Variants in WASL observed in about 807,000 individuals in gnomAD.
The protein encoded by WASL is actin nucleation-promoting factor WASL.
A neutral mutation model predicts 55.5 loss-of-function variants in WASL; 20 were observed. The observed-to-expected ratio is 0.36, with a 90% CI of 0.25 to 0.52. The LOEUF (loss-of-function observed/expected upper bound fraction) is 0.52. Among genes scored for constraint, WASL ranks in the 20% least tolerant of loss-of-function variants. The pLI is 0.92. For synonymous variants in WASL, 249 were observed against 217.6 expected (o/e 1.14, Z -1.27); for missense variants, 504 against 622.5 (o/e 0.81, Z 2.03).
Position 123,683,632 on chromosome 7 carries a change from T to C in WASL, c.*887A>G, listed in dbSNP as rs1459314701. 1 of 152,092 alleles carries C rather than the reference T, an allele frequency of 6.6e-6. No individual in the cohort carries two copies. The highest frequency in any genetic ancestry group is 1.9e-4 in the East Asian group (1 of 5,192). 9.4% of individuals were successfully genotyped at this position (152,092 alleles called of 1,614,324 possible). A position where few individuals can be genotyped will look rare whatever the true frequency, so the allele number is the denominator to read the frequency against. On this transcript the variant is annotated 3_prime_UTR_variant, in exon 11 of 11. Transcript: ENST00000223023. Reference sequence around the variant, plus strand: ...ATGCTAAAATTCTACAGTATTTTAGTACTATTCTGATTTGTATAGTTTTTT... The same window carrying C: ...ATGCTAAAATTCTACAGTATTTTAGCACTATTCTGATTTGTATAGTTTTTT...
intron 1 of WASL, among the ~76,000 whole-genome samples, chr7:123,728,752 C>T (rs995402378): frequency 6.6e-6 from 1 of 152,098 alleles, no homozygotes; most frequent in Admixed American, 6.5e-5. Context: ...AGGAGAATCG[C>T]TTGAACGTGG....
At chr7:123,724,647 T>A (rs536756073) in intron 1 of WASL, among the ~76,000 whole-genome samples, 2 of 152,150 alleles carry the variant, frequency 1.3e-5, no homozygotes, top group African/African-American at 4.8e-5. Context: ...ATTTGCCGGA[T>A]TGAACTGAGA....
intron 10 of WASL, among the ~76,000 whole-genome samples, chr7:123,686,312 G>T (rs2116762312): frequency 6.6e-6 from 1 of 152,062 alleles, no homozygotes; most frequent in Admixed American, 6.5e-5. Flanking sequence ...CTTCTAGCAA[G>T]GGAAATAATT....
intron 1 of WASL, among the ~76,000 whole-genome samples, chr7:123,744,362 T>C (rs1439801476): frequency 6.6e-6 from 1 of 152,194 alleles, no homozygotes; most frequent in East Asian, 1.9e-4. Context: ...CGAGTAATTA[T>C]AATTATTCAA....
At chr7:123,720,977 T>C (rs775341959) in intron 1 of WASL, among the ~76,000 whole-genome samples, 6 of 152,216 alleles carry the variant, frequency 3.9e-5, no homozygotes, top group Non-Finnish European at 7.3e-5. Flanking sequence ...AGCAAGAATT[T>C]TGAGTAGCTC....
At chr7:123,732,721 A>C (rs1466098516) in intron 1 of WASL, among the ~76,000 whole-genome samples, 1 of 152,238 alleles carries the variant, frequency 6.6e-6, no homozygotes, top group African/African-American at 2.4e-5. Flanking sequence ...CCAACACCAG[A>C]TAAAGATCTA....
intron 8 of WASL, among the ~76,000 whole-genome samples, chr7:123,693,973 G>A (rs1318675649): frequency 6.6e-6 from 1 of 152,040 alleles, no homozygotes; most frequent in Non-Finnish European, 1.5e-5. Context: ...AATGAACACT[G>A]GCAATGAAAA....
At chr7:123,694,507 T>G (rs551426595) in intron 8 of WASL, among the ~76,000 whole-genome samples, 1 of 152,180 alleles carries the variant, frequency 6.6e-6, no homozygotes, top group South Asian at 2.1e-4. Flanking sequence ...TGGATTTTTA[T>G]GAATAAAGAA....
At chr7:123,718,658 G>A (rs1220088333) in intron 1 of WASL, among the ~76,000 whole-genome samples, 1 of 152,128 alleles carries the variant, frequency 6.6e-6, no homozygotes, top group Non-Finnish European at 1.5e-5. Flanking sequence ...GTCTCCCAAA[G>A]TGCTGGGATT....
At chr7:123,736,368 G>C (rs989191401) in intron 1 of WASL, among the ~76,000 whole-genome samples, 4 of 152,156 alleles carry the variant, frequency 2.6e-5, no homozygotes, top group Non-Finnish European at 5.9e-5. Context: ...AAGGGTACCA[G>C]AAATGATAAC....
chr7:123,708,856 C>A (rs951135487), intron 2 of WASL, among the ~76,000 whole-genome samples: 4 of 151,080 alleles, frequency 2.6e-5, no homozygotes, highest in African/African-American at 7.3e-5. Context: ...AGCCTTAATG[C>A]GTGGTAGCAG....
intron 1 of WASL, among the ~76,000 whole-genome samples, chr7:123,747,925 T>A (rs1316402686): frequency 6.6e-6 from 1 of 151,844 alleles, no homozygotes; most frequent in Non-Finnish European, 1.5e-5. Flanking sequence ...TACCAGAGAT[T>A]GAGGTTTCCC....
At chr7:123,739,091 T>C (rs921308122) in intron 1 of WASL, among the ~76,000 whole-genome samples, 1 of 152,204 alleles carries the variant, frequency 6.6e-6, no homozygotes. Flanking sequence ...TATTACTCAA[T>C]CCTTATTTCT....
intron 9 of WASL, among the ~76,000 whole-genome samples, chr7:123,690,403 T>C (rs1803388892): frequency 1.3e-5 from 2 of 152,182 alleles, no homozygotes; most frequent in Non-Finnish European, 2.9e-5. Flanking sequence ...GATGATTTAC[T>C]CAAAAAATTT....
chr7:123,723,731 C>T (rs766015225), intron 1 of WASL, among the ~76,000 whole-genome samples: 3 of 152,154 alleles, frequency 2.0e-5, no homozygotes, highest in Non-Finnish European at 4.4e-5. Context: ...AGAAAAGTTC[C>T]AATAACTCCT....
rs778276328 is a variant in WASL, at chr7:123,694,866, C to G, written c.675G>C (p.Leu225=). The G allele has an allele frequency of 1.2e-6, 2 of 1,602,184 alleles. No homozygotes were observed. Among genetic ancestry groups the G allele is most frequent in the Admixed American group, 3.5e-5 (2 of 56,946 alleles). The part of the protein sequence containing the change: ...VGWDPNTGFD[L]NNLDPELKNL... ...TCTTCAATTCTGGATCCAAATTATT[C>G]AGCTACAAAAGAAAGTAACTGCTAA... is the stretch of plus-strand genomic sequence containing the variant. The change falls in exon 8 of 11, where the codon CTG becomes CTC. Residue 225 remains leucine (L), a splice_region_variant and synonymous_variant. Transcript: ENST00000223023.
At chr7:123,718,420 T>C (rs1222430345) in intron 1 of WASL, among the ~76,000 whole-genome samples, 2 of 152,198 alleles carry the variant, frequency 1.3e-5, no homozygotes, top group Non-Finnish European at 2.9e-5. Flanking sequence ...CTTTTGAACA[T>C]ATAGTGATCT....
At chr7:123,709,777 C>T (rs1655039395) in intron 1 of WASL, among the ~76,000 whole-genome samples, 1 of 152,142 alleles carries the variant, frequency 6.6e-6, no homozygotes, top group Non-Finnish European at 1.5e-5. Context: ...TTGAGACAAA[C>T]TTGAAAGCAG....
rs771736292 is a variant in WASL at position 123,704,646 on chromosome 7, CTCG to C, written c.445_447del (p.Arg149del). 1 of 1,492,786 alleles carries C rather than the reference CTCG, an allele frequency of 6.7e-7. No individual in the cohort carries two copies. Among genetic ancestry groups the C allele is most frequent in the East Asian group, 2.3e-5 (1 of 42,574 alleles). 92.5% of individuals were successfully genotyped at this position (1,492,786 alleles called of 1,614,324 possible). On this transcript the variant is annotated inframe_deletion, in exon 5 of 11. Transcript: ENST00000223023. ...TCAAAAAGCTTACCATTTGGGGGAT[CTCG>C]TCTTTTCTCTGTTAGAAAATAAATT...
Sources: gnomAD v4.1 joint callset for allele counts (sites outside exome capture counted in the v4.1 genomes callset) on GRCh38, gnomAD v4.1.1 for gene constraint, MANE v1.5 for transcripts, NCBI Gene and HGNC (gene_info 2026-07-23, HGNC 2026-07-21) for gene names.